Variants in PXDNL observed in about 807,000 individuals in gnomAD.
PXDNL encodes peroxidasin like.
PXDNL carries 145 observed loss-of-function variants against 150.8 expected under a neutral mutation model. The ratio of observed to expected loss-of-function variants is 0.96; its 90% CI spans 0.84 to 1.10. The LOEUF (loss-of-function observed/expected upper bound fraction) is 1.10. Among genes scored for constraint, PXDNL ranks in the 50% least tolerant of loss-of-function variants. The pLI is 0.00. For missense variants in PXDNL, 2,087 were observed against 1,873.9 expected, an observed-to-expected ratio of 1.11 and a Z score of -2.10; for synonymous variants, 757 against 725.7, an observed-to-expected ratio of 1.04 and a Z score of -0.69.
At chr8:51,804,107 T>C (rs904900792) in intron 1 of PXDNL, among the ~76,000 whole-genome samples, 2 of 152,208 alleles carry the variant, frequency 1.3e-5, no homozygotes, top group African/African-American at 4.8e-5. Context: ...TAGGGAGACA[T>C]GAGACATCAA....
intron 8 of PXDNL, among the ~76,000 whole-genome samples, chr8:51,461,970 A>G (rs1810095642): frequency 6.6e-6 from 1 of 152,208 alleles, no homozygotes; most frequent in African/African-American, 2.4e-5. Context: ...ATACACCACC[A>G]AACAAAAATT....
intron 1 of PXDNL, among the ~76,000 whole-genome samples, chr8:51,786,523 A>G: frequency 6.9e-6 from 1 of 144,970 alleles, no homozygotes; most frequent in African/African-American, 2.5e-5. Context: ...TCACTCCCCG[A>G]CCCCCATCCT....
At chr8:51,628,394 C>CT (rs1814409067) in intron 2 of PXDNL, among the ~76,000 whole-genome samples, 2 of 80,222 alleles carry the variant, frequency 2.5e-5, no homozygotes, top group Admixed American at 1.6e-4. Context: ...GTTTTCTTTT[C>CT]TTTTCTTTTT....
chr8:51,526,147 C>G (rs10958273), intron 4 of PXDNL, among the ~76,000 whole-genome samples: 76,075 of 152,072 alleles, frequency 0.5, 22,099 homozygotes, highest in Non-Finnish European at 0.65. Context: ...TCACAGGAGT[C>G]CTGGATCATC....
chr8:51,374,755 C>A (rs189465212), intron 17 of PXDNL, 24 bp from the exon 18 acceptor site: 2 of 1,609,742 alleles, frequency 1.2e-6, no homozygotes, highest in Non-Finnish European at 1.7e-6. Context: ...AGGCAGACAG[C>A]GCACACCTGA....
At position 51,457,607 on chromosome 8, in the gene PXDNL, C is replaced by T. The variant is rs1368521191; in HGVS notation, c.873G>A (p.Met291Ile). ...RLNVFDDGTL[M>I]IRNTRESDQG... ...GGTCTGACTCTCTGGTGTTTCGGAT[C>T]ATGAGTGTGCCATCATCAAACACAT... The change falls in exon 9 of 23, where the codon ATG (methionine) becomes ATA (isoleucine). Residue 291 changes from methionine to isoleucine, a missense_variant. Physicochemically the swap from Met to Ile is conservative, Grantham distance 10. Coordinates refer to ENST00000356297, the MANE Select transcript of PXDNL (RefSeq NM_144651.5). The T allele has an allele frequency of 1.2e-6, 2 of 1,613,852 alleles. No homozygotes were observed. Among genetic ancestry groups the T allele is most frequent in the Non-Finnish European group, 8.5e-7 (1 of 1,179,820 alleles).
At chr8:51,636,869 G>A (rs1489641434) in intron 2 of PXDNL, among the ~76,000 whole-genome samples, 2 of 151,358 alleles carry the variant, frequency 1.3e-5, no homozygotes, top group Admixed American at 6.6e-5. Context: ...TGGAGTGTGA[G>A]ATCTGAGAAT....
chr8:51,725,726 T>C (rs1438726007), intron 1 of PXDNL, among the ~76,000 whole-genome samples: 4 of 152,198 alleles, frequency 2.6e-5, no homozygotes, highest in African/African-American at 9.7e-5. Flanking sequence ...AAAGAACATT[T>C]TGATTGGGGA....
intron 1 of PXDNL, among the ~76,000 whole-genome samples, chr8:51,725,862 T>C (rs1291212756): frequency 6.6e-6 from 1 of 152,250 alleles, no homozygotes; most frequent in Non-Finnish European, 1.5e-5. Flanking sequence ...ATGTGTAAGC[T>C]GATTTTATGG....
intron 2 of PXDNL, among the ~76,000 whole-genome samples, chr8:51,622,380 T>G (rs1432465814): frequency 1.3e-5 from 2 of 152,166 alleles, no homozygotes; most frequent in Non-Finnish European, 2.9e-5. Context: ...GGCACTGCTT[T>G]AAGCCACTGT....
In PXDNL at chr8:51,423,631, C is replaced by T; in HGVS notation, c.1739G>A (p.Cys580Tyr). ...AAGGCCAAAAGAATTCCGAGCCACA[C>T]ATTCATATCTTCCCTGGTCAGGGAA... ...AGFPDQGRYE[C>Y]VARNSFGLAV... The change falls in exon 14 of 23, where the codon TGT (cysteine) becomes TAT (tyrosine). Residue 580 changes from cysteine (C) to tyrosine (Y), a missense_variant. Transcript: ENST00000356297. The T allele has an allele frequency of 6.2e-7, 1 of 1,613,908 alleles. No individual in the cohort carries two copies. Among genetic ancestry groups the T allele is most frequent in the South Asian group, 1.1e-5 (1 of 91,074 alleles).
chr8:51,413,296 G>A, intron 14 of PXDNL, 38 bp from the exon 15 acceptor site: 1 of 1,286,822 alleles, frequency 7.8e-7, no homozygotes, highest in Non-Finnish European at 1.1e-6. Context: ...ATATCAAACA[G>A]ACCTTGAAGT....
intron 4 of PXDNL, among the ~76,000 whole-genome samples, chr8:51,531,720 G>C (rs1811911847): frequency 6.6e-6 from 1 of 152,202 alleles, no homozygotes; most frequent in African/African-American, 2.4e-5. Context: ...GAAGAAGATA[G>C]GGATGAGATG....
At chr8:51,692,112 G>A (rs1816014179) in intron 1 of PXDNL, among the ~76,000 whole-genome samples, 2 of 152,170 alleles carry the variant, frequency 1.3e-5, no homozygotes, top group African/African-American at 4.8e-5. Context: ...AGGCCACCCT[G>A]TAAAAGACAA....
chr8:51,674,230 G>A (rs1159619390), intron 1 of PXDNL, among the ~76,000 whole-genome samples: 2 of 152,176 alleles, frequency 1.3e-5, no homozygotes, highest in African/African-American at 2.4e-5. Context: ...AAGACAAAAA[G>A]ATTGCATTGA....
chr8:51,350,063 C>T (rs936183168), intron 19 of PXDNL, among the ~76,000 whole-genome samples: 1 of 151,592 alleles, frequency 6.6e-6, no homozygotes, highest in Admixed American at 6.6e-5. Flanking sequence ...TATCTCTTAC[C>T]GAGAAAAAAT....
At chr8:51,735,540 T>C (rs1481267863) in intron 1 of PXDNL, among the ~76,000 whole-genome samples, 1 of 118,212 alleles carries the variant, frequency 8.5e-6, no homozygotes, top group African/African-American at 3.7e-5. Flanking sequence ...TTTTTTTTTT[T>C]TTTTTTTTTT....
intron 14 of PXDNL, among the ~76,000 whole-genome samples, chr8:51,418,854 T>C (rs1230735157): frequency 6.6e-6 from 1 of 152,204 alleles, no homozygotes; most frequent in Admixed American, 6.5e-5. Context: ...TTTGGAAAGT[T>C]ATTTCCAAAC....
intron 2 of PXDNL, among the ~76,000 whole-genome samples, chr8:51,650,116 A>AAC (rs1476169357): frequency 6.6e-5 from 10 of 151,670 alleles, no homozygotes; most frequent in African/African-American, 2.4e-4. Context: ...AAAAAAAAAA[A>AAC]AAAAATTCCA....
Sources: allele counts gnomAD v4.1 joint callset (sites outside exome capture counted in the v4.1 genomes callset), GRCh38; gene constraint gnomAD v4.1.1; transcripts MANE v1.5; gene names NCBI Gene and HGNC (gene_info 2026-07-23, HGNC 2026-07-21).